STRIP2: variants seen among roughly 807,000 people sequenced by gnomAD.
The protein encoded by STRIP2 is striatin interacting protein 2, also known as striatin-interacting protein 2.
STRIP2 carries 84 observed loss-of-function variants against 107.1 expected under a neutral mutation model. That is an observed-to-expected ratio of 0.78 (90% CI 0.66 to 0.94). The LOEUF is 0.94. Among genes scored for constraint, STRIP2 ranks in the 40% least tolerant of loss-of-function variants. The pLI, the probability that STRIP2 is intolerant of heterozygous loss-of-function variation, is 0.00. For synonymous variants in STRIP2, 394 were observed against 400.4 expected, an observed-to-expected ratio of 0.98 and a Z score of 0.19; for missense variants, 888 against 1,034.2, an observed-to-expected ratio of 0.86 and a Z score of 1.94.
intron 3 of STRIP2, among the ~76,000 whole-genome samples, chr7:129,450,787 C>G (rs983990487): frequency 2.0e-5 from 3 of 152,064 alleles, no homozygotes; most frequent in Admixed American, 6.5e-5. Context: ...ACAGGGCAGC[C>G]AGGAATTGTA....
At position 129,461,603 on chromosome 7, in the gene STRIP2, A is replaced by G. The variant is rs1798538698; in HGVS notation, c.1476+1231A>G. ...GGAGTGATCTGCTGGGTAAAATGCT[A>G]CTAATAAGTGGCATTATGGTAAGAA... On this transcript the variant is annotated intron_variant, in intron 13 of 20. Coordinates refer to ENST00000249344, the MANE Select transcript of STRIP2 (RefSeq NM_020704.3). The surrounding 1 kb of genome is among the most constrained non-coding windows in gnomAD (Gnocchi z 4.0). 1.3e-5 allele frequency among the ~76,000 whole-genome samples: 2 copies of G among 152,234 alleles called. No homozygotes were observed. Among genetic ancestry groups the G allele is most frequent in the African/African-American group, 2.4e-5 (1 of 41,462 alleles).
chr7:129,464,671 T>C lies in STRIP2; in HGVS notation c.1709T>C (p.Ile570Thr), dbSNP rs1168000461. 1.9e-6 allele frequency: 3 copies of C among 1,614,002 alleles called. No individual in the cohort carries two copies. Among genetic ancestry groups the C allele is most frequent in the African/African-American group, 1.3e-5 (1 of 74,916 alleles). Residue 570 changes from isoleucine (I) to threonine (T), a missense_variant, in exon 16 of 21, where the codon ATT (isoleucine) becomes ACT (threonine). Coordinates refer to ENST00000249344, the MANE Select transcript of STRIP2 (RefSeq NM_020704.3). ...GATGTGAACAGGCACAAGGAGATTA[T>C]TGTAAAGAGTATCTCTACCCTGCTT... ...GIDVNRHKEI[I>T]VKSISTLLLL...
intron 4 of STRIP2, among the ~76,000 whole-genome samples, chr7:129,452,516 C>A (rs1798223126): frequency 6.6e-6 from 1 of 152,200 alleles, no homozygotes; most frequent in Admixed American, 6.5e-5. Context: ...GGCCAACTTC[C>A]AACTGCCAGT....
intron 7 of STRIP2, 22 bp from the exon 8 acceptor site, chr7:129,455,222 T>A (rs1798309985): frequency 1.3e-6 from 2 of 1,593,040 alleles, no homozygotes. Flanking sequence ...ACTTTCTCAC[T>A]CCCCTCTCTC....
chr7:129,472,352 T>C (rs1399701292), intron 18 of STRIP2, among the ~76,000 whole-genome samples: 1 of 152,350 alleles, frequency 6.6e-6, no homozygotes, highest in Admixed American at 6.5e-5. Context: ...TCTCTCCCAA[T>C]TGACCTTTGG....
intron 18 of STRIP2, among the ~76,000 whole-genome samples, chr7:129,475,022 C>A (rs1798879434): frequency 6.6e-6 from 1 of 152,178 alleles, no homozygotes; most frequent in Non-Finnish European, 1.5e-5. Context: ...CCACCTGGTA[C>A]AGGAAGTTTA....
In STRIP2 at chr7:129,453,324, G is replaced by A. The variant is rs1422973977; in HGVS notation, c.507G>A (p.Leu169=). Residue 169 remains leucine, a synonymous_variant, in exon 5 of 21, where the codon CTG becomes CTA. Coordinates refer to ENST00000249344, the MANE Select transcript of STRIP2 (RefSeq NM_020704.3). Reference sequence around the variant, plus strand: ...AGATGGGGACCTTCTCCACCTTCCTGGAGCTACTCCACATGGAAATTGAGT... The same window carrying A: ...AGATGGGGACCTTCTCCACCTTCCTAGAGCTACTCCACATGGAAATTGAGT... The part of the protein sequence containing the change: ...LYQMGTFSTF[L]ELLHMEIDNS... 6.2e-7 allele frequency: 1 copy of A among 1,614,082 alleles called. No homozygotes were observed. The highest frequency in any genetic ancestry group is 8.5e-7 in the Non-Finnish European group (1 of 1,179,986).
intron 3 of STRIP2, among the ~76,000 whole-genome samples, chr7:129,449,383 C>A (rs189053774): frequency 6.6e-6 from 1 of 152,262 alleles, no homozygotes; most frequent in Non-Finnish European, 1.5e-5. Context: ...GGTCTAGAAC[C>A]AAACAAAGGT....
At chr7:129,442,118 G>T (rs1797915846) in intron 2 of STRIP2, among the ~76,000 whole-genome samples, 1 of 152,092 alleles carries the variant, frequency 6.6e-6, no homozygotes, top group South Asian at 2.1e-4. Context: ...CCAGCTACTG[G>T]GGAGGCTGAG....
chr7:129,455,491 A>G (rs1179988428), intron 8 of STRIP2, 120 bp downstream of exon 8: 2 of 1,249,504 alleles, frequency 1.6e-6, no homozygotes, highest in Non-Finnish European at 2.2e-6. Flanking sequence ...CCCTTAGCCA[A>G]CTGCTAATAT....
chr7:129,446,178 C>G (rs1798028543), intron 3 of STRIP2, among the ~76,000 whole-genome samples: 1 of 152,166 alleles, frequency 6.6e-6, no homozygotes, highest in South Asian at 2.1e-4. Flanking sequence ...TGGACAATGA[C>G]AGAGGTGCTG....
At chr7:129,480,534 C>G (rs940989275) in intron 18 of STRIP2, among the ~76,000 whole-genome samples, 7 of 152,232 alleles carry the variant, frequency 4.6e-5, no homozygotes, top group African/African-American at 1.7e-4. Context: ...TTGCCTGAAT[C>G]AGGTTCCTGT....
rs1268377668 is a variant in STRIP2 at position 129,485,761 on chromosome 7, G to A, written c.2437G>A (p.Glu813Lys). The A allele has an allele frequency of 6.2e-7, 1 of 1,614,198 alleles. No homozygotes were observed. Among genetic ancestry groups the A allele is most frequent in the South Asian group, 1.1e-5 (1 of 91,084 alleles). Residue 813 changes from glutamate to lysine, a missense_variant, in exon 21 of 21, where the codon GAG (glutamate) becomes AAG (lysine). Glu to Lys is a moderately conservative substitution (Grantham distance 56). Coordinates refer to ENST00000249344, the MANE Select transcript of STRIP2 (RefSeq NM_020704.3). The stretch of plus-strand genomic sequence containing the variant: ...GCCTGAAGATTTCCACTATTCATAT[G>A]AGCTCTGGCTCGAGAGAGAGGTGTT... Reference protein sequence around the residue: ...DLPEDFHYSYELWLEREVFSQ... With the variant: ...DLPEDFHYSYKLWLEREVFSQ...
chr7:129,437,902 T>A (rs1481949298), intron 1 of STRIP2, among the ~76,000 whole-genome samples: 1 of 150,906 alleles, frequency 6.6e-6, no homozygotes, highest in Non-Finnish European at 1.5e-5. Context: ...GCCTCCCGGG[T>A]TCACGCCATT....
chr7:129,462,418 C>T (rs1798564878), intron 13 of STRIP2, among the ~76,000 whole-genome samples: 1 of 152,134 alleles, frequency 6.6e-6, no homozygotes. Flanking sequence ...ACCCCAGCCT[C>T]CCCACTCTGA....
intron 2 of STRIP2, among the ~76,000 whole-genome samples, chr7:129,443,030 C>CTTCT (rs1040187533): frequency 6.8e-6 from 1 of 147,814 alleles, no homozygotes; most frequent in Non-Finnish European, 1.5e-5. Flanking sequence ...TATTTCTTTT[C>CTTCT]TTCTTTCTTT....
chr7:129,434,675 G>A (rs2150982069), intron 1 of STRIP2, 74 bp downstream of exon 1: 1 of 1,393,306 alleles, frequency 7.2e-7, no homozygotes, highest in Admixed American at 3.1e-5. Flanking sequence ...AGGTGATTCG[G>A]CCTCGGCCCC....
Position 129,483,969 on chromosome 7 carries a change from C to T in STRIP2, c.2254+923C>T, listed in dbSNP as rs551764702. Among the ~76,000 whole-genome samples the T allele has an allele frequency of 5.3e-5, 8 of 152,186 alleles. No individual in the cohort carries two copies. Among genetic ancestry groups the T allele is most frequent in the Admixed American group, 5.2e-4 (8 of 15,282 alleles). ...CTGTGTTGCCCAGGCTGGTCTTGAA[C>T]TCCTGGGCTCAAGGGATCCTCCTGC... On this transcript the variant is annotated intron_variant, in intron 20 of 20. Coordinates refer to ENST00000249344, the MANE Select transcript of STRIP2 (RefSeq NM_020704.3). This position sits in a 1 kb window ranked among gnomAD's most constrained non-coding sequence, Gnocchi z 5.1.
At chr7:129,443,187 G>A (rs149827709) in intron 2 of STRIP2, among the ~76,000 whole-genome samples, 41 of 152,020 alleles carry the variant, frequency 2.7e-4, no homozygotes, top group African/African-American at 9.9e-4. Context: ...CTACAGTCAT[G>A]TGCCACTACA....
Sources: allele counts gnomAD v4.1 joint callset (sites outside exome capture counted in the v4.1 genomes callset), GRCh38; gene constraint gnomAD v4.1.1; non-coding constraint Gnocchi (gnomAD v3.1); transcripts MANE v1.5; gene names NCBI Gene and HGNC (gene_info 2026-07-23, HGNC 2026-07-21).